Variants in CSMD1 observed in about 807,000 individuals in gnomAD.
The protein encoded by CSMD1 is CUB and Sushi multiple domains 1.
Under a neutral mutation model 417.5 loss-of-function variants are expected in CSMD1, and 213 were observed. The observed-to-expected ratio is 0.51, with a 90% confidence interval of 0.46 to 0.57. The LOEUF is 0.57. Among genes scored for constraint, CSMD1 ranks in the 20% least tolerant of loss-of-function variants. The pLI, the probability that CSMD1 is intolerant of heterozygous loss-of-function variation, is 0.00. For missense variants in CSMD1, 6,923 were observed against 4,529.7 expected (o/e 1.53, Z -15.17); for synonymous variants, 2,862 against 1,736.8 (o/e 1.65, Z -16.11).
In CSMD1 at chr8:3,882,691, C is replaced by A. The variant is rs564969506; in HGVS notation, c.818+115212G>T. Among the ~76,000 whole-genome samples, 10 of 152,204 alleles carry A rather than the reference C, an allele frequency of 6.6e-5. No homozygotes were observed. The East Asian group carries it at 1.9e-3, about 29-fold the overall frequency. On this transcript the variant is annotated intron_variant, in intron 5 of 69. Transcript: ENST00000635120. ...GTTCACAAAACAAAATACTACACAG[C>A]AATGAAAAGGAACACATTACAAATG...
chr8:3,370,927 G>C (rs1360888152), intron 18 of CSMD1, among the ~76,000 whole-genome samples: 1 of 151,784 alleles, frequency 6.6e-6, no homozygotes, highest in Non-Finnish European at 1.5e-5. Flanking sequence ...AGTGAGCTGA[G>C]ATCACGCCAT....
chr8:3,634,036 A>G (rs1406550015), intron 7 of CSMD1, among the ~76,000 whole-genome samples: 1 of 151,920 alleles, frequency 6.6e-6, no homozygotes, highest in African/African-American at 2.4e-5. Flanking sequence ...ACTGTCAGTG[A>G]AATAAAGGGC....
intron 8 of CSMD1, among the ~76,000 whole-genome samples, chr8:3,600,924 A>G (rs1801331696): frequency 6.6e-6 from 1 of 152,226 alleles, no homozygotes; most frequent in African/African-American, 2.4e-5. Flanking sequence ...GTGATTGAAA[A>G]TGTGGATAGA....
chr8:3,836,785 G>A (rs562452500), intron 5 of CSMD1, among the ~76,000 whole-genome samples: 1 of 151,916 alleles, frequency 6.6e-6, no homozygotes, highest in Admixed American at 6.6e-5. Context: ...CAATCTTAGT[G>A]TTTTATTTAT....
At chr8:3,951,106 T>G (rs1224604951) in intron 5 of CSMD1, among the ~76,000 whole-genome samples, 1 of 152,222 alleles carries the variant, frequency 6.6e-6, no homozygotes, top group Non-Finnish European at 1.5e-5. Flanking sequence ...TGAAAGAATA[T>G]ATCTACATTT....
chr8:4,099,573 T>G (rs958343125), intron 3 of CSMD1, among the ~76,000 whole-genome samples: 1 of 152,018 alleles, frequency 6.6e-6, no homozygotes, highest in Non-Finnish European at 1.5e-5. Context: ...GCATGGCATA[T>G]ATCAATCAAT....
chr8:3,694,716 C>A (rs1209231046), intron 7 of CSMD1, among the ~76,000 whole-genome samples: 1 of 151,740 alleles, frequency 6.6e-6, no homozygotes, highest in African/African-American at 2.4e-5. Flanking sequence ...AGGGGAGAAC[C>A]TGGAGGAAGC....
chr8:4,339,035 A>G (rs1293881769), intron 3 of CSMD1, among the ~76,000 whole-genome samples: 1 of 152,146 alleles, frequency 6.6e-6, no homozygotes, highest in Non-Finnish European at 1.5e-5. Context: ...CAATTGCTGT[A>G]GAGCCTCAAA....
chr8:3,250,160 A>G (rs888093006), intron 26 of CSMD1, among the ~76,000 whole-genome samples: 6 of 152,170 alleles, frequency 3.9e-5, no homozygotes, highest in Non-Finnish European at 5.9e-5. Flanking sequence ...TACACCCATT[A>G]AGTCGTCATT....
At chr8:3,326,513 G>A (rs561137368) in intron 23 of CSMD1, among the ~76,000 whole-genome samples, 1 of 152,282 alleles carries the variant, frequency 6.6e-6, no homozygotes, top group Admixed American at 6.5e-5. Context: ...ATGTTGTCAC[G>A]TTTGGCCCCA....
chr8:4,189,244 C>T (rs1798870672), intron 3 of CSMD1, among the ~76,000 whole-genome samples: 1 of 152,232 alleles, frequency 6.6e-6, no homozygotes, highest in Admixed American at 6.5e-5. Flanking sequence ...AGATCTAAGC[C>T]CACCTTTGCC....
At chr8:4,719,434 G>C (rs1222413730) in intron 1 of CSMD1, among the ~76,000 whole-genome samples, 1 of 151,736 alleles carries the variant, frequency 6.6e-6, no homozygotes, top group African/African-American at 2.4e-5. Flanking sequence ...ATCATTATAA[G>C]TCTCAGGCAT....
chr8:4,064,101 C>G (rs982318384), intron 3 of CSMD1, among the ~76,000 whole-genome samples: 1 of 152,136 alleles, frequency 6.6e-6, no homozygotes, highest in African/African-American at 2.4e-5. Flanking sequence ...AATCTACTCT[C>G]CTGCAGCAAA....
At chr8:4,025,774 G>C (rs920300980) in intron 4 of CSMD1, among the ~76,000 whole-genome samples, 1 of 152,062 alleles carries the variant, frequency 6.6e-6, no homozygotes, top group African/African-American at 2.4e-5. Flanking sequence ...CCCTGTTTAA[G>C]GGACACAGTT....
intron 5 of CSMD1, among the ~76,000 whole-genome samples, chr8:3,992,585 A>C (rs1390531096): frequency 1.3e-5 from 2 of 152,154 alleles, no homozygotes; most frequent in African/African-American, 4.8e-5. Context: ...GGATTTTGAG[A>C]CCAGCTTGGG....
At chr8:4,403,434 A>G (rs1364495994) in intron 3 of CSMD1, among the ~76,000 whole-genome samples, 3 of 152,130 alleles carry the variant, frequency 2.0e-5, no homozygotes, top group East Asian at 3.9e-4. Context: ...CACACCTGCC[A>G]TTCGACTCAA....
In CSMD1 at chr8:3,721,332, G is replaced by C. The variant is rs112521073; in HGVS notation, c.932-12841C>G. Among the ~76,000 whole-genome samples the C allele has an allele frequency of 7.8e-3, 1,183 of 152,300 alleles. 17 individuals carry two copies. Among genetic ancestry groups the C allele is most frequent in the African/African-American group, 0.026 (1,067 of 41,552 alleles). ...GGTGTGTAAGTGAGTGTGTGTGGCT[G>C]TGGATTTTTACTAGTGACGGCAGAT... On this transcript the variant is annotated intron_variant, in intron 6 of 69. Coordinates refer to ENST00000635120, the MANE Select transcript of CSMD1 (RefSeq NM_033225.6).
intron 7 of CSMD1, among the ~76,000 whole-genome samples, chr8:3,693,657 T>C (rs926153310): frequency 5.9e-5 from 9 of 152,162 alleles, no homozygotes; most frequent in Non-Finnish European, 1.3e-4. Flanking sequence ...TATGTAGTTA[T>C]TAGGTAATAA....
At position 2,962,506 on chromosome 8, in the gene CSMD1, T is replaced by A; in HGVS notation, c.9588A>T (p.Gln3196His). The change falls in exon 61 of 70, where the codon CAA (glutamine) becomes CAT (histidine). Residue 3196 changes from glutamine (Q) to histidine (H), a missense_variant. Transcript: ENST00000635120. ...GTATGCCGCTCCACGTGCCGTCAGC[T>A]TGGCAGACTCTTCTGGAGGATCCCA... ...ILVGSSRRVCQADGTWSGIQP... is the reference protein window; with the variant it reads ...ILVGSSRRVCHADGTWSGIQP... 1 of 1,613,968 alleles carries A rather than the reference T, an allele frequency of 6.2e-7. No individual in the cohort carries two copies. The highest frequency in any genetic ancestry group is 1.1e-5 in the South Asian group (1 of 91,076).
Sources: allele counts gnomAD v4.1 joint callset (sites outside exome capture counted in the v4.1 genomes callset), GRCh38; gene constraint gnomAD v4.1.1; transcripts MANE v1.5; gene names NCBI Gene and HGNC (gene_info 2026-07-23, HGNC 2026-07-21).